The following NUP93 variants were observed in gnomAD, a reference collection of about 807,000 sequenced individuals.
NUP93 encodes the protein nuclear pore complex protein Nup93.
Under a neutral mutation model 107.8 loss-of-function variants are expected in NUP93, and 55 were observed. That is an observed-to-expected ratio of 0.51 (90% confidence interval 0.41 to 0.64). The LOEUF is 0.64. Ranked by LOEUF, NUP93 falls within the 30% of genes least tolerant of loss-of-function variation. The pLI, the probability that NUP93 is intolerant of heterozygous loss-of-function variation, is 0.00. For synonymous variants in NUP93, 390 were observed against 397.5 expected (o/e 0.98, Z 0.22); for missense variants, 937 against 1,044.7 (o/e 0.90, Z 1.42).
chr16:56,808,155 A>ACTATATATTT lies in NUP93; in HGVS notation c.489+2523_489+2524insCTATATATTT, dbSNP rs1963194958. 3.4e-5 allele frequency among the ~76,000 whole-genome samples: 4 copies of ACTATATATTT among 116,092 alleles called. No homozygotes were observed. In the East Asian group the frequency reaches 7.3e-4, roughly 21 times the overall value. 76.2% of individuals were successfully genotyped at this position (116,092 alleles called of 152,430 possible). The stretch of plus-strand genomic sequence containing the variant: ...AAATATATTTATATAACTATATATA[A>ACTATATATTT]TATATAGTTATATAACTATATAAAA... On this transcript the variant is annotated intron_variant, in intron 5 of 21. Transcript: ENST00000308159.
chr16:56,798,489 A>G lies in NUP93; in HGVS notation c.311A>G (p.Asn104Ser), dbSNP rs749311005. 2.5e-5 allele frequency: 41 copies of G among 1,614,010 alleles called. No homozygotes were observed. The highest frequency in any genetic ancestry group is 3.4e-5 in the Non-Finnish European group (40 of 1,179,988). ...CCCCATTTATAGGGCTTCCTGAAGA[A>G]TGAGAAGGACAATGCCCTGCTGTCT... The part of the protein sequence containing the change: ...KDTDIQGFLK[N>S]EKDNALLSAI... Residue 104 changes from asparagine to serine, a missense_variant, in exon 4 of 22, where the codon AAT (asparagine) becomes AGT (serine). Asn to Ser is a conservative substitution (Grantham distance 46). Transcript: ENST00000308159.
At chr16:56,764,983 GAT>G (rs1962192046) in intron 3 of NUP93, among the ~76,000 whole-genome samples, 1 of 152,236 alleles carries the variant, frequency 6.6e-6, no homozygotes, top group African/African-American at 2.4e-5. Context: ...CCGAGGAAGA[GAT>G]GAAGTCCTTA....
chr16:56,819,845 C>T (rs1375074070), intron 6 of NUP93, among the ~76,000 whole-genome samples: 5 of 152,298 alleles, frequency 3.3e-5, no homozygotes, highest in East Asian at 1.9e-4. Flanking sequence ...GCCATTGCCA[C>T]GTCAGACTCC....
rs1223754880 is a variant in NUP93, at chr16:56,823,832, G to A, written c.780G>A (p.Ala260=). 6.8e-6 allele frequency: 11 copies of A among 1,613,790 alleles called. No homozygotes were observed. The highest frequency in any genetic ancestry group is 6.7e-5 in the East Asian group (3 of 44,890). The change falls in exon 8 of 22, where the codon GCG becomes GCA. Residue 260 remains alanine, a synonymous_variant. Transcript: ENST00000308159. ...TGGAGTTTGTCAGGCAGGCCTTGGC[G>A]TACCTTGAGCAGAGGTAAGGCAGCA... is the stretch of plus-strand genomic sequence containing the variant. The part of the protein sequence containing the change: ...VRMEFVRQAL[A]YLEQSYKNYT...
rs570871715 is a variant in NUP93, at chr16:56,837,489, G to C, written c.1900-119G>C. 136 of 734,998 alleles carry C rather than the reference G, an allele frequency of 1.9e-4. 1 individual carries two copies. The East Asian group carries it at 3.6e-3, about 19-fold the overall frequency. 45.5% of individuals were successfully genotyped at this position (734,998 alleles called of 1,614,324 possible). ...GAGGCACGAGAATTGCTTGAACTTGGGAGGCGGTAAAAAATGTCACCCCAG... is the reference window on the plus strand; with the variant it reads ...GAGGCACGAGAATTGCTTGAACTTGCGAGGCGGTAAAAAATGTCACCCCAG... On this transcript the variant is annotated intron_variant, in intron 17 of 21. Coordinates refer to ENST00000308159, the MANE Select transcript of NUP93 (RefSeq NM_014669.5).
At position 56,830,528 on chromosome 16, in the gene NUP93, G is replaced by T. The variant is rs1249027349; in HGVS notation, c.928G>T (p.Asp310Tyr). 1.9e-6 allele frequency: 3 copies of T among 1,570,210 alleles called. No individual in the cohort carries two copies. Among genetic ancestry groups the T allele is most frequent in the Non-Finnish European group, 2.6e-6 (3 of 1,149,250 alleles). ...GAGCACTTAACTGTTCCTCTTTTAG[G>T]ATGGAGAGGTGGAAGGCCATCCTGT... The part of the protein sequence containing the change: ...KLPAPLPGLQ[D>Y]GEVEGHPVWA... Residue 310 changes from aspartate to tyrosine, a missense_variant and splice_region_variant, in exon 10 of 22, where the codon GAT becomes TAT. Physicochemically the swap from Asp to Tyr is radical, Grantham distance 160. Transcript: ENST00000308159.
chr16:56,819,165 A>G (rs1243314140), intron 6 of NUP93, among the ~76,000 whole-genome samples: 5 of 152,228 alleles, frequency 3.3e-5, no homozygotes, highest in South Asian at 2.1e-4. Flanking sequence ...TGTATTCACT[A>G]CTTAATACCA....
At position 56,831,854 on chromosome 16, in the gene NUP93, T is replaced by C; in HGVS notation, c.1098T>C (p.Ala366=). The C allele has an allele frequency of 1.2e-6, 2 of 1,614,028 alleles. No individual in the cohort carries two copies. Among genetic ancestry groups the C allele is most frequent in the Non-Finnish European group, 8.5e-7 (1 of 1,179,970 alleles). ...MNSKDRRLSP[A]TENKLRLHYR... ...CTTATGTCTGTAGATTGTCCCCAGC[T>C]ACGGAAAACAAGCTCCGGCTGCATT... The change falls in exon 11 of 22, where the codon GCT becomes GCC. Residue 366 remains alanine, a synonymous_variant. Transcript: ENST00000308159.
At chr16:56,834,477 T>C in intron 15 of NUP93, 35 bp downstream of exon 15, 1 of 1,604,566 alleles carries the variant, frequency 6.2e-7, no homozygotes, top group African/African-American at 1.3e-5. Flanking sequence ...TCCCCATGGT[T>C]TTCAGTGTGC....
At chr16:56,804,798 C>T (rs1024911957) in intron 4 of NUP93, among the ~76,000 whole-genome samples, 8 of 150,882 alleles carry the variant, frequency 5.3e-5, no homozygotes, top group Non-Finnish European at 7.4e-5. Context: ...CCCAGCTACT[C>T]GGGAGGCTGA....
intron 2 of NUP93, among the ~76,000 whole-genome samples, chr16:56,755,861 C>T (rs915279741): frequency 7.2e-5 from 11 of 152,110 alleles, no homozygotes; most frequent in Non-Finnish European, 1.2e-4. Flanking sequence ...GGCAACAGAG[C>T]AAGACTGTCT....
chr16:56,800,358 C>G (rs1378033362), intron 4 of NUP93, among the ~76,000 whole-genome samples: 1 of 152,044 alleles, frequency 6.6e-6, no homozygotes, highest in African/African-American at 2.4e-5. Context: ...CTGTAAAGGA[C>G]CAGTGAAATT....
chr16:56,799,835 T>G (rs1172417488), intron 4 of NUP93, among the ~76,000 whole-genome samples: 1 of 152,212 alleles, frequency 6.6e-6, no homozygotes, highest in Non-Finnish European at 1.5e-5. Context: ...AGCTCCATTT[T>G]ATAAGGAAAT....
Position 56,841,779 on chromosome 16 carries a change from G to A in NUP93, c.2295G>A (p.Gly765=), listed in dbSNP as rs1427620330. Residue 765 remains glycine (G), a synonymous_variant, in exon 21 of 22, where the codon GGG becomes GGA. Transcript: ENST00000308159. ...TCACACAGTTTAAGAGGCTCAAGGG[G>A]ACAAGTCCATCCTCGTCATCCAGGC... ...ILFTQFKRLK[G]TSPSSSSRPQ... 2 of 1,614,188 alleles carry A rather than the reference G, an allele frequency of 1.2e-6. No individual in the cohort carries two copies. Among genetic ancestry groups the A allele is most frequent in the Admixed American group, 3.3e-5 (2 of 60,026 alleles).
At chr16:56,844,204 G>A (rs1340971767) in intron 21 of NUP93, among the ~76,000 whole-genome samples, 1 of 152,202 alleles carries the variant, frequency 6.6e-6, no homozygotes, top group Non-Finnish European at 1.5e-5. Flanking sequence ...TCAAAAGCTA[G>A]CCAAATGTGT....
Position 56,798,486 on chromosome 16 carries a change from A to G in NUP93, c.308A>G (p.Lys103Arg). The G allele has an allele frequency of 1.2e-6, 2 of 1,614,100 alleles. No homozygotes were observed. Among genetic ancestry groups the G allele is most frequent in the Non-Finnish European group, 1.7e-6 (2 of 1,179,948 alleles). Residue 103 changes from lysine to arginine, a missense_variant, in exon 4 of 22, where the codon AAG (lysine) becomes AGG (arginine). Physicochemically the swap from Lys to Arg is conservative, Grantham distance 26 (BLOSUM62 2). Transcript: ENST00000308159. ...TTCCCCCATTTATAGGGCTTCCTGAAGAATGAGAAGGACAATGCCCTGCTG... is the reference window on the plus strand; with the variant it reads ...TTCCCCCATTTATAGGGCTTCCTGAGGAATGAGAAGGACAATGCCCTGCTG... Reference protein sequence around the residue: ...VKDTDIQGFLKNEKDNALLSA... With the variant: ...VKDTDIQGFLRNEKDNALLSA...
chr16:56,752,224 A>T (rs920307501), intron 2 of NUP93, among the ~76,000 whole-genome samples: 1 of 152,284 alleles, frequency 6.6e-6, no homozygotes, highest in Non-Finnish European at 1.5e-5. Flanking sequence ...CAGCAATTCC[A>T]CTTCTAGGGT....
intron 5 of NUP93, among the ~76,000 whole-genome samples, chr16:56,812,837 G>A (rs1963345054): frequency 6.6e-6 from 1 of 152,162 alleles, no homozygotes; most frequent in Non-Finnish European, 1.5e-5. Flanking sequence ...TGAGACCCCT[G>A]GCTACGAATC....
At chr16:56,801,132 A>G (rs374212270) in intron 4 of NUP93, among the ~76,000 whole-genome samples, 2 of 152,150 alleles carry the variant, frequency 1.3e-5, no homozygotes, top group African/African-American at 4.8e-5. Context: ...TCTTCTTATC[A>G]CTGCTTCCCA....
Sources: allele counts gnomAD v4.1 joint callset (sites outside exome capture counted in the v4.1 genomes callset), GRCh38; gene constraint gnomAD v4.1.1; transcripts MANE v1.5; gene names NCBI Gene and HGNC (gene_info 2026-07-23, HGNC 2026-07-21).